CENPP: variants seen among roughly 807,000 people sequenced by gnomAD.
CENPP encodes centromere protein P.
In CENPP, 24 loss-of-function variants were observed where a neutral mutation model predicts 35.6. The observed-to-expected ratio is 0.67, with a 90% CI of 0.49 to 0.95. CENPP has a LOEUF of 0.95. CENPP is among the 40% of genes least tolerant of loss of function. The pLI is 0.00. For missense variants in CENPP, 332 were observed against 345.3 expected, an observed-to-expected ratio of 0.96 and a Z score of 0.31; for synonymous variants, 120 against 125.5, an observed-to-expected ratio of 0.96 and a Z score of 0.29.
chr9:92,378,048 T>A (rs940998690), intron 4 of CENPP, among the ~76,000 whole-genome samples: 2 of 152,166 alleles, frequency 1.3e-5, no homozygotes, highest in Non-Finnish European at 2.9e-5. Flanking sequence ...CCATGCTGGT[T>A]GAGATCAGAA....
At chr9:92,541,992 T>C (rs1849329656) in intron 5 of CENPP, among the ~76,000 whole-genome samples, 1 of 152,074 alleles carries the variant, frequency 6.6e-6, no homozygotes, top group African/African-American at 2.4e-5. Context: ...TGGGGTTTCA[T>C]TATCTTGGCC....
intron 4 of CENPP, among the ~76,000 whole-genome samples, chr9:92,351,473 C>T (rs1299799720): frequency 1.3e-5 from 1 of 77,148 alleles, no homozygotes; most frequent in South Asian, 5.4e-4. Flanking sequence ...GTGAGACTAT[C>T]TCAAAAAAAA....
chr9:92,494,167 A>G, intron 5 of CENPP: 1 of 1,596,152 alleles, frequency 6.3e-7, no homozygotes, highest in Non-Finnish European at 8.5e-7. Flanking sequence ...AAGTCAGAGT[A>G]AGAAATGAAT....
chr9:92,507,079 G>A (rs377564724), intron 5 of CENPP, among the ~76,000 whole-genome samples: 2 of 152,118 alleles, frequency 1.3e-5, no homozygotes, highest in Admixed American at 1.3e-4. Context: ...AGCTAATTCT[G>A]GGAGGGCCTT....
chr9:92,542,748 G>A (rs530050080), intron 5 of CENPP, among the ~76,000 whole-genome samples: 7 of 152,226 alleles, frequency 4.6e-5, no homozygotes, highest in Admixed American at 2.0e-4. Flanking sequence ...ATCTGACCTC[G>A]TGATCCACCG....
At chr9:92,475,760 C>G (rs1483288263) in intron 5 of CENPP, among the ~76,000 whole-genome samples, 1 of 152,162 alleles carries the variant, frequency 6.6e-6, no homozygotes, top group Non-Finnish European at 1.5e-5. Context: ...CTAATCTGTT[C>G]CATTGTCTAA....
intron 5 of CENPP, among the ~76,000 whole-genome samples, chr9:92,596,093 C>T (rs1850773603): frequency 6.6e-6 from 1 of 151,998 alleles, no homozygotes; most frequent in Non-Finnish European, 1.5e-5. Context: ...AGGCACCCTG[C>T]CAAAACCTTT....
intron 5 of CENPP, among the ~76,000 whole-genome samples, chr9:92,455,418 T>G (rs765489379): frequency 1.5e-4 from 22 of 151,238 alleles, no homozygotes; most frequent in Admixed American, 5.3e-4. Context: ...AACAAAAACC[T>G]GTGGAGGGCA....
intron 5 of CENPP, among the ~76,000 whole-genome samples, chr9:92,420,657 T>A (rs1843762753): frequency 6.6e-6 from 1 of 152,180 alleles, no homozygotes; most frequent in African/African-American, 2.4e-5. Context: ...TTTTTTTAAG[T>A]CAAGAAAATA....
intron 5 of CENPP, among the ~76,000 whole-genome samples, chr9:92,601,293 G>C (rs570918531): frequency 6.6e-6 from 1 of 152,308 alleles, no homozygotes; most frequent in Non-Finnish European, 1.5e-5. Context: ...TTAAAAGTCA[G>C]GCACCTTTTG....
chr9:92,393,786 CT>C (rs929610840), intron 5 of CENPP, among the ~76,000 whole-genome samples: 13 of 148,260 alleles, frequency 8.8e-5, no homozygotes, highest in South Asian at 6.4e-4. Flanking sequence ...AAGTGTAGAG[CT>C]TTTTTTTTTG....
At chr9:92,376,758 A>G (rs1842133563) in intron 4 of CENPP, among the ~76,000 whole-genome samples, 1 of 152,116 alleles carries the variant, frequency 6.6e-6, no homozygotes, top group Admixed American at 6.6e-5. Context: ...GGGAAGATGG[A>G]GACCAGGTGC....
chr9:92,430,048 T>C (rs1403553233), intron 5 of CENPP, among the ~76,000 whole-genome samples: 3 of 152,138 alleles, frequency 2.0e-5, no homozygotes, highest in Non-Finnish European at 4.4e-5. Context: ...ATGTGATTGT[T>C]CTCCTCAGAG....
chr9:92,423,870 T>C (rs1024250485), intron 5 of CENPP, among the ~76,000 whole-genome samples: 33 of 152,160 alleles, frequency 2.2e-4, no homozygotes, highest in Admixed American at 6.5e-5. Flanking sequence ...TTGTTACTTA[T>C]AATTCATAGA....
intron 5 of CENPP, among the ~76,000 whole-genome samples, chr9:92,609,868 G>A (rs889899528): frequency 3.3e-5 from 5 of 152,020 alleles, no homozygotes; most frequent in Admixed American, 2.6e-4. Context: ...AGCCTCCCGA[G>A]TAGCTGGGAT....
rs116191866 is a variant in CENPP at position 92,488,002 on chromosome 9, A to G, written c.564+108143A>G. On this transcript the variant is annotated intron_variant, in intron 5 of 7. Coordinates refer to ENST00000375587, the MANE Select transcript of CENPP (RefSeq NM_001012267.3). Reference sequence around the variant, plus strand: ...TATAAAATCAGCTTTGTGTTAGATGATTTTGCCAACTGAAGAATAATATAG... The same window carrying G: ...TATAAAATCAGCTTTGTGTTAGATGGTTTTGCCAACTGAAGAATAATATAG... Among the ~76,000 whole-genome samples the G allele has an allele frequency of 7.3e-3, 1,118 of 152,298 alleles. 16 individuals are homozygous for G. Among genetic ancestry groups the G allele is most frequent in the African/African-American group, 0.025 (1,054 of 41,568 alleles).
At chr9:92,383,146 C>T (rs1842302644) in intron 5 of CENPP, among the ~76,000 whole-genome samples, 1 of 152,148 alleles carries the variant, frequency 6.6e-6, no homozygotes, top group Admixed American at 6.5e-5. Flanking sequence ...AATCCACCCG[C>T]CTCAGCCTCA....
chr9:92,331,167 A>AT (rs1031928660), intron 1 of CENPP, among the ~76,000 whole-genome samples: 35 of 152,088 alleles, frequency 2.3e-4, no homozygotes, highest in African/African-American at 8.2e-4. Context: ...AATTGATTTT[A>AT]TTTTTTAATT....
At chr9:92,505,538 T>C (rs1846949029) in intron 5 of CENPP, 1 of 1,594,570 alleles carries the variant, frequency 6.3e-7, no homozygotes, top group Admixed American at 1.9e-5. Flanking sequence ...GTTACCTCAA[T>C]AGAACCAGGA....
Sources: gnomAD v4.1 joint callset for allele counts (sites outside exome capture counted in the v4.1 genomes callset) on GRCh38, gnomAD v4.1.1 for gene constraint, MANE v1.5 for transcripts, NCBI Gene and HGNC (gene_info 2026-07-23, HGNC 2026-07-21) for gene names.